KIAA0319L: variants seen among roughly 807,000 people sequenced by gnomAD.
KIAA0319L encodes the protein dyslexia-associated protein KIAA0319-like protein.
KIAA0319L carries 55 observed loss-of-function variants against 120.1 expected under a neutral mutation model. That is an observed-to-expected ratio of 0.46 (90% CI 0.37 to 0.57). The LOEUF is 0.57. Ranked by LOEUF, KIAA0319L falls within the 20% of genes least tolerant of loss-of-function variation. The pLI, the probability that KIAA0319L is intolerant of heterozygous loss-of-function variation, is 0.00. For missense variants in KIAA0319L, 1,049 were observed against 1,255.3 expected, an observed-to-expected ratio of 0.84 and a Z score of 2.48; for synonymous variants, 398 against 471.9, an observed-to-expected ratio of 0.84 and a Z score of 2.03.
chr1:35,445,344 G>A (rs1641540767), intron 16 of KIAA0319L, among the ~76,000 whole-genome samples: 3 of 152,216 alleles, frequency 2.0e-5, no homozygotes, highest in African/African-American at 7.2e-5. Context: ...CATAAAGGAT[G>A]TGTGGTCCGT....
rs372435801 is a variant in KIAA0319L at position 35,543,800 on chromosome 1, C to T, written c.142+10550G>A. Among the ~76,000 whole-genome samples, 64 of 152,286 alleles carry T rather than the reference C, an allele frequency of 4.2e-4. 1 individual carries two copies. The highest frequency in any genetic ancestry group is 1.5e-3 in the African/African-American group (64 of 41,550). On this transcript the variant is annotated intron_variant, in intron 2 of 20. Coordinates refer to ENST00000325722, the MANE Select transcript of KIAA0319L (RefSeq NM_024874.5). The stretch of plus-strand genomic sequence containing the variant: ...GGTGATTTTGTCCCATCTGCAGTCT[C>T]TGTAGAGGTTGAGGGTGATAATTAA...
chr1:35,511,421 A>C (rs1474117701), intron 2 of KIAA0319L: 1 of 152,378 alleles, frequency 6.6e-6, no homozygotes, highest in Non-Finnish European at 1.5e-5. Flanking sequence ...CTTAAACAAC[A>C]TAAGAAAATT....
chr1:35,524,053 G>A (rs527236320), intron 2 of KIAA0319L, among the ~76,000 whole-genome samples: 7 of 152,280 alleles, frequency 4.6e-5, no homozygotes, highest in African/African-American at 1.4e-4. Context: ...CTAATGACAG[G>A]ATGACTACCT....
chr1:35,471,121 G>T (rs1481488798), intron 5 of KIAA0319L, among the ~76,000 whole-genome samples, 161 bp from the exon 6 acceptor site: 1 of 152,140 alleles, frequency 6.6e-6, no homozygotes, highest in African/African-American at 2.4e-5. Context: ...TCTGCTGAAA[G>T]AAAGAGCGAA....
At chr1:35,485,440 T>C (rs1448106482) in intron 3 of KIAA0319L, among the ~76,000 whole-genome samples, 4 of 152,242 alleles carry the variant, frequency 2.6e-5, no homozygotes, top group Non-Finnish European at 5.9e-5. Context: ...TATCTGTATA[T>C]TGCCTGAGGA....
At chr1:35,511,010 T>C (rs1011524085) in intron 2 of KIAA0319L, 20 of 152,158 alleles carry the variant, frequency 1.3e-4, no homozygotes, top group African/African-American at 4.8e-4. Flanking sequence ...AAAAGTACAT[T>C]GGTGTAATAA....
At chr1:35,443,209 T>A in intron 17 of KIAA0319L, 181 bp from the exon 18 acceptor site, 1 of 615,874 alleles carries the variant, frequency 1.6e-6, no homozygotes, top group Non-Finnish European at 2.8e-6. Flanking sequence ...ACTGGAGCAG[T>A]CAGGAGGCCA....
At chr1:35,528,602 A>C (rs1029090021) in intron 2 of KIAA0319L, among the ~76,000 whole-genome samples, 49 of 152,204 alleles carry the variant, frequency 3.2e-4, no homozygotes, top group African/African-American at 1.2e-3. Context: ...TTGGTAGATG[A>C]AATGTTCTGT....
chr1:35,546,725 G>A (rs7354832), intron 2 of KIAA0319L, among the ~76,000 whole-genome samples: 435 of 152,212 alleles, frequency 2.9e-3, no homozygotes, highest in Non-Finnish European at 5.0e-3. Flanking sequence ...ATACGTATTA[G>A]GCCCAAGCCA....
In KIAA0319L at chr1:35,520,973, A is replaced by T. The variant is rs79703588; in HGVS notation, c.143-13838T>A. On this transcript the variant is annotated intron_variant, in intron 2 of 20. Coordinates refer to ENST00000325722, the MANE Select transcript of KIAA0319L (RefSeq NM_024874.5). ...CACTATGTGACACGATATCAAAAAT[A>T]TTCACTGCATACTGTTTGAGATAGA... Among the ~76,000 whole-genome samples the T allele has an allele frequency of 6.5e-3, 989 of 152,366 alleles. 4 individuals carry two copies. The highest frequency in any genetic ancestry group is 9.8e-3 in the Non-Finnish European group (664 of 68,046).
Position 35,456,007 on chromosome 1 carries a change from T to C in KIAA0319L, c.1656+6A>G. 1 of 1,605,734 alleles carries C rather than the reference T, an allele frequency of 6.2e-7. No homozygotes were observed. The highest frequency in any genetic ancestry group is 8.5e-7 in the Non-Finnish European group (1 of 1,173,670). ...GCAAGAAAAAATAGGAACCATTCCC[T>C]CCTACCTGCATCTCCACCACTTTCC... On this transcript the variant is annotated splice_donor_region_variant and intron_variant, in intron 10 of 20. Transcript: ENST00000325722.
In KIAA0319L at chr1:35,521,112, G is replaced by A. The variant is rs546947339; in HGVS notation, c.143-13977C>T. Among the ~76,000 whole-genome samples, 21 of 152,152 alleles carry A rather than the reference G, an allele frequency of 1.4e-4. No individual in the cohort carries two copies. The South Asian group carries it at 3.3e-3, about 24-fold the overall frequency. ...TCCCAGCACTTTGGGAGGCTGAGGC[G>A]GGTGGATCATTTGAGGTCAGGAGTT... is the stretch of plus-strand genomic sequence containing the variant. On this transcript the variant is annotated intron_variant, in intron 2 of 20. Transcript: ENST00000325722.
chr1:35,521,147 C>T (rs2148442777), intron 2 of KIAA0319L, among the ~76,000 whole-genome samples: 1 of 151,846 alleles, frequency 6.6e-6, no homozygotes. Flanking sequence ...TCGAGACCAG[C>T]TTGGCCAACA....
At chr1:35,508,515 G>A (rs1467042691) in intron 2 of KIAA0319L, among the ~76,000 whole-genome samples, 3 of 152,070 alleles carry the variant, frequency 2.0e-5, no homozygotes, top group Non-Finnish European at 4.4e-5. Flanking sequence ...TATTGAGTCA[G>A]GAGCACTATG....
intron 5 of KIAA0319L, among the ~76,000 whole-genome samples, chr1:35,472,253 T>C (rs1177845313): frequency 1.3e-5 from 2 of 152,024 alleles, no homozygotes; most frequent in African/African-American, 4.8e-5. Flanking sequence ...TTAGAAAGAG[T>C]GCTGGTTGCA....
At chr1:35,441,524 C>A (rs1453954051) in intron 19 of KIAA0319L, among the ~76,000 whole-genome samples, 1 of 152,016 alleles carries the variant, frequency 6.6e-6, no homozygotes, top group Non-Finnish European at 1.5e-5. Context: ...TCCTTTAGTT[C>A]TAAGTTTTAT....
At position 35,534,726 on chromosome 1, in the gene KIAA0319L, G is replaced by A. The variant is rs932879616; in HGVS notation, c.142+19624C>T. Among the ~76,000 whole-genome samples, 4 of 151,772 alleles carry A rather than the reference G, an allele frequency of 2.6e-5. No individual in the cohort carries two copies. In the South Asian group the frequency reaches 8.3e-4, roughly 32 times the overall value. On this transcript the variant is annotated intron_variant, in intron 2 of 20. Coordinates refer to ENST00000325722, the MANE Select transcript of KIAA0319L (RefSeq NM_024874.5). ...TACAAAAAATTAGCCGGGCGTGGTGGCAGGCACCTGTAATCCCAGCTACTC... is the reference window on the plus strand; with the variant it reads ...TACAAAAAATTAGCCGGGCGTGGTGACAGGCACCTGTAATCCCAGCTACTC...
At chr1:35,544,030 T>A (rs969919144) in intron 2 of KIAA0319L, among the ~76,000 whole-genome samples, 4 of 152,104 alleles carry the variant, frequency 2.6e-5, no homozygotes, top group African/African-American at 9.7e-5. Flanking sequence ...TGACCTGGCA[T>A]GGGCAGACCG....
At chr1:35,491,217 C>T (rs1489700454) in intron 3 of KIAA0319L, among the ~76,000 whole-genome samples, 2 of 152,034 alleles carry the variant, frequency 1.3e-5, no homozygotes, top group South Asian at 2.1e-4. Context: ...TGAAAATAAA[C>T]GAATGGGGAT....
Sources: allele counts gnomAD v4.1 joint callset (sites outside exome capture counted in the v4.1 genomes callset), GRCh38; gene constraint gnomAD v4.1.1; transcripts MANE v1.5; gene names NCBI Gene and HGNC (gene_info 2026-07-23, HGNC 2026-07-21).